Variants in FAAH2 observed in about 807,000 individuals in gnomAD.
FAAH2 encodes the protein fatty-acid amide hydrolase 2.
A neutral mutation model predicts 36.9 loss-of-function variants in FAAH2; 60 were observed. That is an observed-to-expected ratio of 1.63 (90% CI 1.32 to 2.02). The LOEUF (loss-of-function observed/expected upper bound fraction) is 2.02. Ranked by LOEUF, FAAH2 falls within the 30% of genes most tolerant of loss-of-function variation. The pLI, the probability that FAAH2 is intolerant of heterozygous loss-of-function variation, is 0.00. For missense variants in FAAH2, 689 were observed against 397.5 expected, an observed-to-expected ratio of 1.73 and a Z score of -6.23; for synonymous variants, 214 against 143.8, an observed-to-expected ratio of 1.49 and a Z score of -3.49.
chrX:57,218,961 G>A, the FAAH2 span, among the ~76,000 whole-genome samples: 1 of 111,654 alleles, frequency 9.0e-6, no homozygotes, highest in Admixed American at 9.5e-5. Flanking sequence ...AAAGCTTAAG[G>A]AGATATATAA....
At chrX:57,309,849 T>A (rs1218701260) in intron 2 of FAAH2, among the ~76,000 whole-genome samples, 1 of 112,039 alleles carries the variant, frequency 8.9e-6, no homozygotes, top group Non-Finnish European at 1.9e-5. Flanking sequence ...TTTGGGTGGA[T>A]TCCATGTGTT....
At chrX:57,432,714 G>A (rs1342709050) in intron 8 of FAAH2, among the ~76,000 whole-genome samples, 1 of 111,213 alleles carries the variant, frequency 9.0e-6, no homozygotes, top group African/African-American at 3.3e-5. Flanking sequence ...TAACTTTTGT[G>A]AATATAGGAA....
At chrX:57,292,422 A>G in intron 1 of FAAH2, 76 bp from the exon 2 acceptor site, 1 of 905,985 alleles carries the variant, frequency 1.1e-6, no homozygotes, top group Non-Finnish European at 1.6e-6. Context: ...TGTACATAGG[A>G]GTCTTTCAGG....
At chrX:57,182,866 G>A in the FAAH2 span, among the ~76,000 whole-genome samples, 1 of 111,555 alleles carries the variant, frequency 9.0e-6, no homozygotes, top group East Asian at 2.8e-4. Flanking sequence ...GAGCCTTAAA[G>A]AAGACTGAGA....
chrX:57,278,203 T>G, the FAAH2 span, among the ~76,000 whole-genome samples: 1 of 111,601 alleles, frequency 9.0e-6, no homozygotes, highest in Non-Finnish European at 1.9e-5. Flanking sequence ...CAAAACAGCA[T>G]GGTACTGGTA....
chrX:57,306,994 G>GATATATATAAATATATATATATATAT (rs770040896), intron 2 of FAAH2, among the ~76,000 whole-genome samples: 1 of 31,023 alleles, frequency 3.2e-5, no homozygotes, highest in Non-Finnish European at 7.3e-5. Flanking sequence ...CACACACACA[G>GATATATATAAATATATATATATATAT]ATACATATAT....
the FAAH2 span, among the ~76,000 whole-genome samples, chrX:57,194,274 T>A: frequency 8.1e-5 from 9 of 111,539 alleles, no homozygotes; most frequent in Admixed American, 1.9e-4. Context: ...ATCTAGGAAT[T>A]TGTCCATTTC....
At chrX:57,228,135 C>T in the FAAH2 span, among the ~76,000 whole-genome samples, 2 of 112,090 alleles carry the variant, frequency 1.8e-5, no homozygotes, top group Non-Finnish European at 3.8e-5. Flanking sequence ...TGGATTCGCG[C>T]CCTCCCCTGA....
intron 3 of FAAH2, among the ~76,000 whole-genome samples, chrX:57,327,920 T>G (rs1245634013): frequency 9.1e-6 from 1 of 110,157 alleles, no homozygotes; most frequent in Non-Finnish European, 1.9e-5. Context: ...GGTGCTCTGA[T>G]TTTTAGAGTT....
At chrX:57,485,532 C>G (rs1222231231) in intron 10 of FAAH2, among the ~76,000 whole-genome samples, 1 of 112,010 alleles carries the variant, frequency 8.9e-6, no homozygotes, top group Non-Finnish European at 1.9e-5. Flanking sequence ...CCCATTTCCT[C>G]CCTAGCCCAG....
the FAAH2 span, among the ~76,000 whole-genome samples, chrX:57,278,916 C>T: frequency 8.9e-6 from 1 of 111,978 alleles, no homozygotes; most frequent in East Asian, 2.8e-4. Flanking sequence ...TACCATCTCA[C>T]GCCAGATAGA....
chrX:57,233,889 G>A, the FAAH2 span, among the ~76,000 whole-genome samples: 3 of 112,356 alleles, frequency 2.7e-5, no homozygotes, highest in Non-Finnish European at 5.7e-5. Flanking sequence ...TAAGTGATCC[G>A]CCCGCCTCTG....
rs1241339783 is a variant in FAAH2 at position 57,419,333 on chromosome X, A to G, written c.997-12585A>G. The stretch of plus-strand genomic sequence containing the variant: ...GGTTGAACTAGTTTACAGTCCCACC[A>G]ACAGTGTAAAAGTGTTCCTATTTCT... On this transcript the variant is annotated intron_variant, in intron 7 of 10. Coordinates refer to ENST00000374900, the MANE Select transcript of FAAH2 (RefSeq NM_174912.4). Among the ~76,000 whole-genome samples, 13 of 110,798 alleles carry G rather than the reference A, an allele frequency of 1.2e-4. No homozygotes were observed. In the Admixed American group the frequency reaches 1.2e-3, roughly 11 times the overall value.
intron 4 of FAAH2, among the ~76,000 whole-genome samples, chrX:57,333,183 A>G (rs887146548): frequency 8.9e-6 from 1 of 111,849 alleles, no homozygotes; most frequent in Non-Finnish European, 1.9e-5. Context: ...GTCTCTAGGG[A>G]AACTCAAAGA....
At chrX:57,458,479 C>G (rs567939454) in intron 10 of FAAH2, among the ~76,000 whole-genome samples, 2 of 109,778 alleles carry the variant, frequency 1.8e-5, no homozygotes, top group South Asian at 7.9e-4. Flanking sequence ...GGTGACAGAG[C>G]AAGACTCCAT....
At chrX:57,468,750 C>A (rs769153042) in intron 10 of FAAH2, among the ~76,000 whole-genome samples, 5 of 111,285 alleles carry the variant, frequency 4.5e-5, no homozygotes, top group African/African-American at 1.3e-4. Flanking sequence ...ACAGAGAATG[C>A]TGCAAAGATA....
the FAAH2 span, among the ~76,000 whole-genome samples, chrX:57,161,449 C>T: frequency 1.5e-3 from 170 of 110,691 alleles, 1 homozygote; most frequent in Non-Finnish European, 2.7e-3. Context: ...TGTCTAATGT[C>T]GACAGTGGGG....
chrX:57,311,760 G>A (rs996165202), intron 3 of FAAH2, among the ~76,000 whole-genome samples: 3 of 112,136 alleles, frequency 2.7e-5, no homozygotes, highest in Admixed American at 9.5e-5. Flanking sequence ...AGCCCCTGCA[G>A]CCCAACCTCA....
chrX:57,455,869 C>T (rs1002921865), intron 10 of FAAH2, among the ~76,000 whole-genome samples: 11 of 111,897 alleles, frequency 9.8e-5, no homozygotes, highest in African/African-American at 3.6e-4. Flanking sequence ...ATTTTAACAT[C>T]CCACTCACTG....
Sources: gnomAD v4.1 joint callset for allele counts (sites outside exome capture counted in the v4.1 genomes callset) on GRCh38, gnomAD v4.1.1 for gene constraint, MANE v1.5 for transcripts, NCBI Gene and HGNC (gene_info 2026-07-23, HGNC 2026-07-21) for gene names.